Variants in CSMD2 observed in about 807,000 individuals in gnomAD.
The protein encoded by CSMD2 is CUB and sushi domain-containing protein 2.
In CSMD2, 130 loss-of-function variants were observed where a neutral mutation model predicts 398.5. The observed-to-expected ratio is 0.33, with a 90% CI of 0.28 to 0.38. CSMD2 has a LOEUF of 0.38. Ranked by LOEUF, CSMD2 falls within the 10% of genes least tolerant of loss-of-function variation. The probability of loss-of-function intolerance (pLI) is 1.00; values close to 1 mark genes in which losing one functional copy is unlikely to be tolerated. For missense variants in CSMD2, 3,829 were observed against 4,764.9 expected, an observed-to-expected ratio of 0.80 and a Z score of 5.78; for synonymous variants, 1,828 against 1,908.5, an observed-to-expected ratio of 0.96 and a Z score of 1.10.
chr1:33,682,284 G>A (rs564249515), intron 25 of CSMD2, among the ~76,000 whole-genome samples: 2 of 152,222 alleles, frequency 1.3e-5, no homozygotes, highest in Non-Finnish European at 2.9e-5. Context: ...GATAATCCAG[G>A]ATAACCCCTT....
chr1:34,042,689 G>C (rs1651990284), intron 2 of CSMD2, among the ~76,000 whole-genome samples: 1 of 152,152 alleles, frequency 6.6e-6, no homozygotes, highest in Non-Finnish European at 1.5e-5. Flanking sequence ...TGGCTCTCTG[G>C]GTGACGTGGC....
chr1:34,013,284 C>T (rs1275072208), intron 3 of CSMD2, among the ~76,000 whole-genome samples: 1 of 152,230 alleles, frequency 6.6e-6, no homozygotes, highest in African/African-American at 2.4e-5. Flanking sequence ...GTGCTCTGTG[C>T]CATGGGCGAG....
chr1:33,836,016 G>C (rs1297175143), intron 6 of CSMD2, among the ~76,000 whole-genome samples: 1 of 152,198 alleles, frequency 6.6e-6, no homozygotes, highest in East Asian at 1.9e-4. Flanking sequence ...GGTCTTTGAT[G>C]ATGGTGACAT....
In CSMD2 at chr1:33,516,093, C is replaced by G. The variant is rs1158586057; in HGVS notation, c.*531G>C. 6.6e-6 allele frequency: 1 copy of G among 152,170 alleles called. No individual in the cohort carries two copies. Among genetic ancestry groups the G allele is most frequent in the East Asian group, 1.9e-4 (1 of 5,192 alleles). 9.4% of individuals were successfully genotyped at this position (152,170 alleles called of 1,614,324 possible). On this transcript the variant is annotated 3_prime_UTR_variant, in exon 71 of 71. Transcript: ENST00000373381. Reference sequence around the variant, plus strand: ...ACTCTGACCGCATGATGGGATGTGTCCTACTGTTACAGTCACCGAGTCACC... The same window carrying G: ...ACTCTGACCGCATGATGGGATGTGTGCTACTGTTACAGTCACCGAGTCACC...
Position 33,515,486 on chromosome 1 carries a change from T to A in CSMD2, c.*1138A>T, listed in dbSNP as rs1303138529. The A allele has an allele frequency of 6.6e-6, 1 of 152,292 alleles. No individual in the cohort carries two copies. The highest frequency in any genetic ancestry group is 1.5e-5 in the Non-Finnish European group (1 of 68,098). 9.4% of individuals were successfully genotyped at this position (152,292 alleles called of 1,614,324 possible). ...GTTTCTGGCAGCTGGTGTAGTGGACTTTGGGGCAGACTGATCTGGGTTTGC... is the reference window on the plus strand; with the variant it reads ...GTTTCTGGCAGCTGGTGTAGTGGACATTGGGGCAGACTGATCTGGGTTTGC... On this transcript the variant is annotated 3_prime_UTR_variant, in exon 71 of 71. Coordinates refer to ENST00000373381, the MANE Select transcript of CSMD2 (RefSeq NM_001281956.2).
In CSMD2 at chr1:33,819,726, C is replaced by T; in HGVS notation, c.1311G>A (p.Arg437=). Residue 437 remains arginine, a synonymous_variant, in exon 9 of 71, where the codon AGG becomes AGA. Coordinates refer to ENST00000373381, the MANE Select transcript of CSMD2 (RefSeq NM_001281956.2). ...GGGCACCCTCACCTCGGCAGACTGGCCTGTGGTCGCTCCAGGCCGCAAACA... is the reference window on the plus strand; with the variant it reads ...GGGCACCCTCACCTCGGCAGACTGGTCTGTGGTCGCTCCAGGCCGCAAACA... ...SDMFAAWSDH[R]PVCRARMCDA... is the part of the protein sequence containing the mutation. 6.2e-7 allele frequency: 1 copy of T among 1,613,532 alleles called. No homozygotes were observed.
chr1:34,139,469 T>C (rs1639069523), intron 1 of CSMD2, among the ~76,000 whole-genome samples: 1 of 152,230 alleles, frequency 6.6e-6, no homozygotes, highest in African/African-American at 2.4e-5. Flanking sequence ...ATTATCCGTC[T>C]TCAGGTAATT....
intron 3 of CSMD2, among the ~76,000 whole-genome samples, chr1:34,030,336 A>G (rs1019978550): frequency 6.6e-6 from 1 of 152,236 alleles, no homozygotes; most frequent in Non-Finnish European, 1.5e-5. Context: ...GGCTTTGCAT[A>G]GGGTCTCTGT....
Position 33,742,577 on chromosome 1 carries a change from G to GCC in CSMD2, c.2173+701_2173+702dup, listed in dbSNP as rs143715572. 6.3e-5 allele frequency among the ~76,000 whole-genome samples: 6 copies of GCC among 94,962 alleles called. No individual in the cohort carries two copies. In the East Asian group the frequency reaches 1.2e-3, roughly 19 times the overall value. 62.3% of individuals were successfully genotyped at this position (94,962 alleles called of 152,430 possible). On this transcript the variant is annotated intron_variant, in intron 14 of 70. Transcript: ENST00000373381. Reference sequence around the variant, plus strand: ...TGCTATTTCTAGTCACCAAGCTTCTGCCCCCCCCCCCCCAACCCCCTCTGT... The same window carrying GCC: ...TGCTATTTCTAGTCACCAAGCTTCTGCCCCCCCCCCCCCCCAACCCCCTCTGT...
intron 3 of CSMD2, among the ~76,000 whole-genome samples, chr1:33,989,635 T>C (rs1407253932): frequency 6.6e-6 from 1 of 152,064 alleles, no homozygotes; most frequent in Admixed American, 6.5e-5. Flanking sequence ...TAAAACTGAA[T>C]AGTTTTCAGC....
In CSMD2 at chr1:33,710,960, C is replaced by A. The variant is rs75545984; in HGVS notation, c.3407-1702G>T. On this transcript the variant is annotated intron_variant, in intron 21 of 70. Transcript: ENST00000373381. ...CAGTTTCCTAAGACTTTATATATGG[C>A]CTCATTTATTTCTCTTGGAGGAGAA... Among the ~76,000 whole-genome samples, 1,020 of 152,286 alleles carry A rather than the reference C, an allele frequency of 6.7e-3. 9 individuals are homozygous for A. The highest frequency in any genetic ancestry group is 0.023 in the African/African-American group (950 of 41,556).
At chr1:33,622,929 A>ATG (rs1157666451) in intron 36 of CSMD2, among the ~76,000 whole-genome samples, 2 of 152,242 alleles carry the variant, frequency 1.3e-5, no homozygotes, top group Non-Finnish European at 2.9e-5. Flanking sequence ...CCATTGACTG[A>ATG]TGAATGGACA....
rs554116410 is a variant in CSMD2, at chr1:33,646,844, C to A, written c.4587-9G>T. On this transcript the variant is annotated splice_polypyrimidine_tract_variant and intron_variant, in intron 28 of 70. Transcript: ENST00000373381. ...CAGGCTCCAGGTTAAAGCTGGGGAA[C>A]AAAAACATCCCACCCCCACCCCACT... The A allele has an allele frequency of 1.9e-6, 3 of 1,602,768 alleles. No individual in the cohort carries two copies. The highest frequency in any genetic ancestry group is 1.1e-5 in the South Asian group (1 of 89,488).
At chr1:34,102,616 AACCATATCCCT>A (rs1558390392) in intron 1 of CSMD2, among the ~76,000 whole-genome samples, 32 of 71,066 alleles carry the variant, frequency 4.5e-4, no homozygotes, top group African/African-American at 1.7e-3. Context: ...CCTGTGATCC[AACCATATCCCT>A]GTAATCCGGC....
chr1:33,968,802 C>T (rs1035312193), intron 3 of CSMD2, among the ~76,000 whole-genome samples: 2 of 152,226 alleles, frequency 1.3e-5, no homozygotes, highest in Non-Finnish European at 2.9e-5. Flanking sequence ...TTATTTTAGG[C>T]TACTGAGTTG....
chr1:33,655,262 T>C (rs143903721), intron 27 of CSMD2, among the ~76,000 whole-genome samples: 3 of 152,340 alleles, frequency 2.0e-5, no homozygotes, highest in Non-Finnish European at 4.4e-5. Flanking sequence ...ATGCCACTCA[T>C]TGGCTGTGTG....
At chr1:33,983,709 G>A (rs930070586) in intron 3 of CSMD2, among the ~76,000 whole-genome samples, 15 of 152,042 alleles carry the variant, frequency 9.9e-5, no homozygotes, top group African/African-American at 3.6e-4. Flanking sequence ...TCAGAGGACA[G>A]GATCTCTGTA....
chr1:33,720,731 C>T (rs768410953), intron 19 of CSMD2, among the ~76,000 whole-genome samples: 29 of 152,142 alleles, frequency 1.9e-4, no homozygotes, highest in Non-Finnish European at 3.8e-4. Context: ...AAGTTTTGCT[C>T]TTGTTGCCCA....
Position 33,523,289 on chromosome 1 carries a change from T to G in CSMD2, c.10509+18A>C. 3.2e-5 allele frequency: 37 copies of G among 1,163,618 alleles called. No homozygotes were observed. The highest frequency in any genetic ancestry group is 4.4e-5 in the Non-Finnish European group (34 of 773,738). 72.1% of individuals were successfully genotyped at this position (1,163,618 alleles called of 1,614,324 possible). A position where few individuals can be genotyped will look rare whatever the true frequency, so the allele number is the denominator to read the frequency against. The stretch of plus-strand genomic sequence containing the variant: ...GTGATCTGGGAGTCAGGGGAGGAGG[T>G]GAGTTTGCTGAACTTACATGGCCAT... On this transcript the variant is annotated intron_variant, in intron 67 of 70. Transcript: ENST00000373381.
Sources: gnomAD v4.1 joint callset for allele counts (sites outside exome capture counted in the v4.1 genomes callset) on GRCh38, gnomAD v4.1.1 for gene constraint, MANE v1.5 for transcripts, NCBI Gene and HGNC (gene_info 2026-07-23, HGNC 2026-07-21) for gene names.